The following KRT7 variants were observed in gnomAD, a reference collection of about 807,000 sequenced individuals.
KRT7 encodes keratin, type II cytoskeletal 7.
A neutral mutation model predicts 42.8 loss-of-function variants in KRT7; 50 were observed. That is an observed-to-expected ratio of 1.17 (90% CI 0.93 to 1.48). The LOEUF (loss-of-function observed/expected upper bound fraction) is 1.48. Ranked by LOEUF, KRT7 falls within the 40% of genes most tolerant of loss-of-function variation. The pLI, the probability that KRT7 is intolerant of heterozygous loss-of-function variation, is 0.00. For synonymous variants in KRT7, 268 were observed against 266.3 expected, an observed-to-expected ratio of 1.01 and a Z score of -0.06; for missense variants, 588 against 637.6, an observed-to-expected ratio of 0.92 and a Z score of 0.84.
At chr12:52,233,802 T>G (rs1304015158) in intron 1 of KRT7, among the ~76,000 whole-genome samples, 182 bp downstream of exon 1, 2 of 152,106 alleles carry the variant, frequency 1.3e-5, no homozygotes, top group Non-Finnish European at 2.9e-5. Context: ...CGTGGCTATT[T>G]TATCCCCTCG....
At chr12:52,252,438 C>A, downstream of KRT7, 1 of 1,614,164 alleles carries the variant, frequency 6.2e-7, no homozygotes, top group Non-Finnish European at 8.5e-7. Flanking sequence ...GGCCGCCTCA[C>A]CCTGCTGCTC....
At chr12:52,234,129 G>T (rs1173554452) in intron 1 of KRT7, among the ~76,000 whole-genome samples, 2 of 145,376 alleles carry the variant, frequency 1.4e-5, no homozygotes, top group African/African-American at 5.4e-5. Context: ...GGCGGGGGAG[G>T]GGGGGGGGCT....
chr12:52,241,738 G>A, intron 5 of KRT7, 102 bp downstream of exon 5: 2 of 1,029,466 alleles, frequency 1.9e-6, no homozygotes, highest in Non-Finnish European at 2.8e-6. Context: ...GGGTCCCACT[G>A]TTCTGGCAGG....
At chr12:52,252,173 A>T, downstream of KRT7, 1 of 1,494,824 alleles carries the variant, frequency 6.7e-7, no homozygotes, top group South Asian at 1.1e-5. Flanking sequence ...CAAGTAAATA[A>T]TATGCAGACA....
downstream of KRT7, chr12:52,252,401 G>A (rs757746771): frequency 5.0e-5 from 80 of 1,614,010 alleles, no homozygotes; most frequent in Admixed American, 7.0e-4. Flanking sequence ...CCTCCAGCTC[G>A]GCCAGCTTGC....
downstream of KRT7, chr12:52,253,647 A>G (rs760235408): frequency 2.0e-6 from 3 of 1,529,708 alleles, no homozygotes; most frequent in South Asian, 2.2e-5. Flanking sequence ...GCGGGTGGCA[A>G]TGTCATCGTA....
chr12:52,235,354 A>G lies in KRT7; in HGVS notation c.524A>G (p.Asp175Gly). 1 of 1,610,378 alleles carries G rather than the reference A, an allele frequency of 6.2e-7. No homozygotes were observed. The highest frequency in any genetic ancestry group is 1.1e-5 in the South Asian group (1 of 90,892). Reference sequence around the variant, plus strand: ...CGGAGCATGCAGGATGTGGTGGAGGACTTCAAGAATAAGTAATGCCCCCTG... The same window carrying G: ...CGGAGCATGCAGGATGTGGTGGAGGGCTTCAAGAATAAGTAATGCCCCCTG... Reference protein sequence around the residue: ...ELRSMQDVVEDFKNKYEDEIN... With the variant: ...ELRSMQDVVEGFKNKYEDEIN... Residue 175 changes from aspartate to glycine, a missense_variant, in exon 2 of 9, where the codon GAC becomes GGC. Transcript: ENST00000331817.
downstream of KRT7, among the ~76,000 whole-genome samples, chr12:52,251,047 T>C (rs1406430175): frequency 6.6e-6 from 1 of 152,200 alleles, no homozygotes; most frequent in Non-Finnish European, 1.5e-5. Context: ...TGGCGCGATC[T>C]CGGCTCACTG....
At chr12:52,253,593 C>T (rs1421511154), downstream of KRT7, 1 of 1,589,808 alleles carries the variant, frequency 6.3e-7, no homozygotes, top group Non-Finnish European at 8.6e-7. Flanking sequence ...GTGTCCTGTG[C>T]CACTCACCTT....
At chr12:52,246,241 C>T (rs1942169601) in intron 7 of KRT7, 1 of 152,616 alleles carries the variant, frequency 6.6e-6, no homozygotes, top group East Asian at 1.9e-4. Context: ...GTCTATGCAG[C>T]TGGGCCTTCA....
At chr12:52,245,086 C>T in intron 6 of KRT7, 1 of 451,916 alleles carries the variant, frequency 2.2e-6, no homozygotes. Context: ...TTGCTGTGTG[C>T]TAGACATTGT....
In KRT7 at chr12:52,233,456, G is replaced by C. The variant is rs1442914479; in HGVS notation, c.160G>C (p.Ala54Pro). The C allele has an allele frequency of 1.9e-6, 3 of 1,607,496 alleles. No homozygotes were observed. In the African/African-American group the frequency reaches 4.0e-5, roughly 22 times the overall value. ...ASRPRVAVRSAYGGPVGAGIR... is the reference protein window; with the variant it reads ...ASRPRVAVRSPYGGPVGAGIR... ...ACGGCCGCGCGTGGCCGTGCGCTCT[G>C]CCTATGGGGGCCCGGTGGGCGCCGG... Residue 54 changes from alanine to proline, a missense_variant, in exon 1 of 9, where the codon GCC (alanine) becomes CCC (proline). Transcript: ENST00000331817.
downstream of KRT7, chr12:52,251,828 C>T (rs1049336473): frequency 5.6e-6 from 2 of 360,084 alleles, no homozygotes; most frequent in Admixed American, 3.9e-5. Flanking sequence ...ATCAAGTTTT[C>T]TTGGAACCCA....
chr12:52,250,659 C>G (rs1229801822), downstream of KRT7: 1 of 679,888 alleles, frequency 1.5e-6, no homozygotes, highest in Non-Finnish European at 2.6e-6. Flanking sequence ...AGGGGGAGGA[C>G]AGGGCCCAGT....
At chr12:52,248,236 G>A in intron 8 of KRT7, 25 bp downstream of exon 8, 1 of 1,613,172 alleles carries the variant, frequency 6.2e-7, no homozygotes, top group Non-Finnish European at 8.5e-7. Context: ...GCGGCCCATG[G>A]GAAGCATCCC....
At position 52,248,668 on chromosome 12, in the gene KRT7, G is replaced by A. The variant is rs764465358; in HGVS notation, c.1318G>A (p.Ala440Thr). 1 of 1,613,376 alleles carries A rather than the reference G, an allele frequency of 6.2e-7. No homozygotes were observed. The highest frequency in any genetic ancestry group is 1.7e-5 in the Admixed American group (1 of 59,924). Residue 440 changes from alanine to threonine, a missense_variant, in exon 9 of 9, where the codon GCC becomes ACC. By Grantham distance (58) the Ala-to-Thr change is moderately conservative (BLOSUM62 0). Coordinates refer to ENST00000331817, the MANE Select transcript of KRT7 (RefSeq NM_005556.4). ...LTLGGTMGSN[A>T]LSFSSSAGPG... Reference sequence around the variant, plus strand: ...CCTCGGGGGAACCATGGGCAGCAATGCCCTGAGCTTCTCCAGCAGTGCGGG... The same window carrying A: ...CCTCGGGGGAACCATGGGCAGCAATACCCTGAGCTTCTCCAGCAGTGCGGG...
At chr12:52,248,288 T>C in intron 8 of KRT7, 77 bp downstream of exon 8, 1 of 1,463,986 alleles carries the variant, frequency 6.8e-7, no homozygotes, top group Non-Finnish European at 9.6e-7. Flanking sequence ...AATGGCAGAC[T>C]GGCCCAGGGC....
chr12:52,252,113 A>G (rs1319839555), downstream of KRT7: 1 of 1,073,140 alleles, frequency 9.3e-7, no homozygotes, highest in Non-Finnish European at 1.4e-6. Flanking sequence ...AGCTGGTGAA[A>G]TCTGTTTAAC....
At position 52,237,572 on chromosome 12, in the gene KRT7, G is replaced by A. The variant is rs112723356; in HGVS notation, c.597+3G>A. ...ATGAGTTTGTGGTGCTGAAGAAGGT[G>A]AGTGGGAAAGACAGGCTCGAGGAGG... is the stretch of plus-strand genomic sequence containing the variant. On this transcript the variant is annotated splice_donor_region_variant and intron_variant, in intron 3 of 8. Coordinates refer to ENST00000331817, the MANE Select transcript of KRT7 (RefSeq NM_005556.4). The A allele has an allele frequency of 3.7e-6, 6 of 1,605,826 alleles. No individual in the cohort carries two copies. Among genetic ancestry groups the A allele is most frequent in the Non-Finnish European group, 5.1e-6 (6 of 1,176,932 alleles).
Sources: gnomAD v4.1 joint callset for allele counts (sites outside exome capture counted in the v4.1 genomes callset) on GRCh38, gnomAD v4.1.1 for gene constraint, MANE v1.5 for transcripts, NCBI Gene and HGNC (gene_info 2026-07-23, HGNC 2026-07-21) for gene names.